The following RYR3 variants were observed in gnomAD, a reference collection of about 807,000 sequenced individuals.
RYR3 encodes brain ryanodine receptor-calcium release channel.
RYR3 carries 207 observed loss-of-function variants against 584.3 expected under a neutral mutation model. That is an observed-to-expected ratio of 0.35 (90% confidence interval 0.32 to 0.40). The LOEUF (loss-of-function observed/expected upper bound fraction) is 0.40. RYR3 is among the 10% of genes least tolerant of loss of function. The probability of loss-of-function intolerance (pLI) is 1.00; values close to 1 mark genes in which losing one functional copy is unlikely to be tolerated. For synonymous variants in RYR3, 2,416 were observed against 2,248.5 expected (o/e 1.07, Z -2.11); for missense variants, 5,616 against 6,089.2 (o/e 0.92, Z 2.59).
chr15:33,481,943 T>G (rs1028827967), intron 2 of RYR3, among the ~76,000 whole-genome samples: 1 of 152,100 alleles, frequency 6.6e-6, no homozygotes, highest in Admixed American at 6.5e-5. Flanking sequence ...AACACATTTT[T>G]ATTTTTGTTT....
At chr15:33,552,194 C>T (rs1303230345) in intron 10 of RYR3, among the ~76,000 whole-genome samples, 1 of 152,176 alleles carries the variant, frequency 6.6e-6, no homozygotes, top group Non-Finnish European at 1.5e-5. Context: ...CAAGGGGACT[C>T]TTCCATTATA....
intron 1 of RYR3, among the ~76,000 whole-genome samples, chr15:33,368,338 CTTTT>C (rs35491164): frequency 3.5e-5 from 3 of 85,820 alleles, no homozygotes; most frequent in African/African-American, 4.9e-5. Flanking sequence ...GCCTTCCTGT[CTTTT>C]TTTTTTTTTT....
intron 2 of RYR3, among the ~76,000 whole-genome samples, chr15:33,495,891 ATTATGTG>A (rs1400307761): frequency 6.6e-6 from 1 of 152,214 alleles, no homozygotes; most frequent in African/African-American, 2.4e-5. Flanking sequence ...AATGCAAATA[ATTATGTG>A]TTATCGATAA....
intron 1 of RYR3, among the ~76,000 whole-genome samples, chr15:33,464,491 C>CTATATATATATATCTAT (rs2048315699): frequency 1.1e-5 from 1 of 89,102 alleles, no homozygotes; most frequent in Non-Finnish European, 2.0e-5. Context: ...TATATATATA[C>CTATATATATATATCTAT]ACATATATAT....
intron 93 of RYR3, 41 bp from the exon 94 acceptor site, chr15:33,848,250 A>T (rs1441974331): frequency 2.5e-5 from 41 of 1,610,760 alleles, no homozygotes; most frequent in Non-Finnish European, 3.4e-5. Flanking sequence ...AGCTTTAATC[A>T]CAAAGCCTGC....
At chr15:33,610,273 A>G (rs918867218) in intron 18 of RYR3, among the ~76,000 whole-genome samples, 1 of 152,070 alleles carries the variant, frequency 6.6e-6, no homozygotes, top group Non-Finnish European at 1.5e-5. Flanking sequence ...AGAGACCTTT[A>G]TATTTTCCAA....
At chr15:33,843,695 A>G (rs1256708571) in intron 92 of RYR3, 121 bp downstream of exon 92, 1 of 680,464 alleles carries the variant, frequency 1.5e-6, no homozygotes, top group South Asian at 1.9e-5. Flanking sequence ...ATAGGTAGCA[A>G]ATTTCTAAGA....
intron 31 of RYR3, among the ~76,000 whole-genome samples, chr15:33,651,519 G>C (rs368879049): frequency 2.4e-4 from 36 of 152,358 alleles, no homozygotes; most frequent in African/African-American, 7.2e-4. Flanking sequence ...AAGGGGGAAA[G>C]TGATAGACTT....
chr15:33,573,153 G>T (rs1032404600), intron 12 of RYR3, among the ~76,000 whole-genome samples: 1 of 152,014 alleles, frequency 6.6e-6, no homozygotes, highest in Non-Finnish European at 1.5e-5. Context: ...CCACCCTCAA[G>T]AGGGAAATTC....
chr15:33,478,460 G>A (rs754764054), intron 2 of RYR3, among the ~76,000 whole-genome samples: 4 of 152,158 alleles, frequency 2.6e-5, no homozygotes, highest in African/African-American at 4.8e-5. Context: ...TACAAGAGTC[G>A]CTGCACTCCA....
intron 1 of RYR3, among the ~76,000 whole-genome samples, chr15:33,424,364 A>G (rs1176296027): frequency 1.3e-5 from 2 of 152,220 alleles, no homozygotes; most frequent in Non-Finnish European, 2.9e-5. Context: ...GGGTGCTATT[A>G]ATACTGCCTG....
At chr15:33,574,305 A>G (rs1229879334) in intron 12 of RYR3, among the ~76,000 whole-genome samples, 3 of 152,218 alleles carry the variant, frequency 2.0e-5, no homozygotes, top group Non-Finnish European at 4.4e-5. Context: ...AACAAAAAGC[A>G]AAACGTAAGC....
intron 37 of RYR3, among the ~76,000 whole-genome samples, chr15:33,670,182 C>G (rs759846861): frequency 6.6e-5 from 10 of 151,988 alleles, no homozygotes; most frequent in East Asian, 1.9e-4. Context: ...GGTACAGATT[C>G]AAAACACATG....
intron 1 of RYR3, among the ~76,000 whole-genome samples, chr15:33,376,794 C>T (rs1359802900): frequency 2.6e-5 from 4 of 152,160 alleles, no homozygotes; most frequent in African/African-American, 4.8e-5. Flanking sequence ...AATTTATTTT[C>T]GTATATGGAA....
At chr15:33,837,294 C>G (rs1362279328) in intron 88 of RYR3, among the ~76,000 whole-genome samples, 3 of 152,130 alleles carry the variant, frequency 2.0e-5, no homozygotes, top group African/African-American at 7.2e-5. Context: ...AGTGTGTATG[C>G]CAGCCATCTA....
chr15:33,478,237 C>T (rs2049606724), intron 2 of RYR3, among the ~76,000 whole-genome samples: 1 of 152,144 alleles, frequency 6.6e-6, no homozygotes, highest in Non-Finnish European at 1.5e-5. Flanking sequence ...TCAAGTACTG[C>T]ATTTCGGCAG....
chr15:33,460,250 A>G (rs889340823), intron 1 of RYR3, among the ~76,000 whole-genome samples: 4 of 152,240 alleles, frequency 2.6e-5, no homozygotes, highest in Non-Finnish European at 5.9e-5. Flanking sequence ...TATTTTATTT[A>G]AGAAAGGGAA....
At chr15:33,754,543 C>A (rs77156322) in intron 57 of RYR3, among the ~76,000 whole-genome samples, 1 of 152,170 alleles carries the variant, frequency 6.6e-6, no homozygotes, top group Admixed American at 6.5e-5. Context: ...GCCTTTATTG[C>A]AGCATCAGTC....
intron 12 of RYR3, among the ~76,000 whole-genome samples, chr15:33,568,104 G>A (rs7170881): frequency 0.66 from 99,782 of 152,074 alleles, 33,704 homozygotes; most frequent in Middle Eastern, 0.76. Flanking sequence ...AGATCAATCT[G>A]TAGAGGAAAA....
Sources: allele counts gnomAD v4.1 joint callset (sites outside exome capture counted in the v4.1 genomes callset), GRCh38; gene constraint gnomAD v4.1.1; transcripts MANE v1.5; gene names NCBI Gene and HGNC (gene_info 2026-07-23, HGNC 2026-07-21).